The following KDM5B variants were observed in gnomAD, a reference collection of about 807,000 sequenced individuals.
KDM5B encodes lysine demethylase 5B.
Under a neutral mutation model 193.4 loss-of-function variants are expected in KDM5B, and 144 were observed. The observed-to-expected ratio is 0.74, with a 90% CI of 0.65 to 0.86. The LOEUF (loss-of-function observed/expected upper bound fraction) is 0.86. KDM5B is among the 40% of genes least tolerant of loss of function. KDM5B has a pLI of 0.00. For synonymous variants in KDM5B, 668 were observed against 682.6 expected, an observed-to-expected ratio of 0.98 and a Z score of 0.33; for missense variants, 1,833 against 1,886.9, an observed-to-expected ratio of 0.97 and a Z score of 0.53.
intron 1 of KDM5B, among the ~76,000 whole-genome samples, chr1:202,786,396 G>C (rs1657413612): frequency 6.6e-6 from 1 of 151,234 alleles, no homozygotes; most frequent in Non-Finnish European, 1.5e-5. Flanking sequence ...ATAGTTCAAG[G>C]GTAAAGGCAG....
intron 11 of KDM5B, among the ~76,000 whole-genome samples, chr1:202,754,302 C>T (rs886777791): frequency 3.3e-5 from 5 of 152,136 alleles, no homozygotes; most frequent in African/African-American, 1.2e-4. Context: ...TGTGGTACAT[C>T]CTCAAATTCC....
At position 202,760,577 on chromosome 1, in the gene KDM5B, T is replaced by C; in HGVS notation, c.919-4A>G. 6.2e-7 allele frequency: 1 copy of C among 1,602,618 alleles called. No homozygotes were observed. The highest frequency in any genetic ancestry group is 8.5e-7 in the Non-Finnish European group (1 of 1,175,198). The stretch of plus-strand genomic sequence containing the variant: ...AAAGACAGACATACAGGTCCACCTG[T>C]AGCAATAAAAGTGGGTACAGAACAA... On this transcript the variant is annotated splice_polypyrimidine_tract_variant and splice_region_variant and intron_variant, in intron 7 of 26. Coordinates refer to ENST00000367265, the MANE Select transcript of KDM5B (RefSeq NM_006618.5).
intron 1 of KDM5B, among the ~76,000 whole-genome samples, chr1:202,804,253 G>A (rs1023794987): frequency 1.2e-4 from 9 of 75,662 alleles, no homozygotes; most frequent in Non-Finnish European, 3.4e-4. Context: ...TCAATAAAAG[G>A]GTTTTTTTTT....
At chr1:202,774,815 G>T in intron 2 of KDM5B, 80 bp from the exon 3 acceptor site, 4 of 1,395,748 alleles carry the variant, frequency 2.9e-6, no homozygotes, top group Non-Finnish European at 4.0e-6. Flanking sequence ...TTCTTTCACA[G>T]AATATTTAAG....
In KDM5B at chr1:202,741,717, G is replaced by A. The variant is rs373617043; in HGVS notation, c.2595C>T (p.Leu865=). The A allele has an allele frequency of 6.3e-7, 1 of 1,581,974 alleles. No individual in the cohort carries two copies. The highest frequency in any genetic ancestry group is 1.4e-5 in the African/African-American group (1 of 73,994). Residue 865 remains leucine (L), a synonymous_variant, in exon 19 of 27, where the codon CTC becomes CTT. Transcript: ENST00000367265. The part of the protein sequence containing the change: ...VLSQTPLLKD[L]LNRVEDFQQH... ...GTTGAAAATCTTCTACACGATTCAA[G>A]AGATCCTAAAAAAAAATACACAGGT...
rs1447319614 is a variant in KDM5B at position 202,781,588 on chromosome 1, ATG to A, written c.205-4496_205-4495del. Among the ~76,000 whole-genome samples, 3 of 152,340 alleles carry A rather than the reference ATG, an allele frequency of 2.0e-5. No individual in the cohort carries two copies. The East Asian group carries it at 5.8e-4, about 29-fold the overall frequency. On this transcript the variant is annotated intron_variant, in intron 1 of 26. Coordinates refer to ENST00000367265, the MANE Select transcript of KDM5B (RefSeq NM_006618.5). ...AGCTCAATAACTAAAAGCCAAAGTA[ATG>A]TGTTTAATTTATACAGAACACATCC...
intron 21 of KDM5B, 150 bp from the exon 22 acceptor site, chr1:202,735,737 C>T (rs1316374363): frequency 2.3e-5 from 15 of 645,658 alleles, no homozygotes; most frequent in Admixed American, 6.0e-5. Context: ...CTGAGGCTCT[C>T]CTTTACAAAA....
At chr1:202,756,751 C>T (rs781751904) in intron 9 of KDM5B, among the ~76,000 whole-genome samples, 1 of 152,102 alleles carries the variant, frequency 6.6e-6, no homozygotes. Flanking sequence ...TATTTATGAC[C>T]GGGAGATATT....
intron 6 of KDM5B, 151 bp from the exon 7 acceptor site, chr1:202,762,959 G>A: frequency 1.7e-6 from 1 of 580,598 alleles, no homozygotes; most frequent in Non-Finnish European, 3.1e-6. Flanking sequence ...TTATTCAAGG[G>A]CTCAAATGCT....
chr1:202,736,481 G>T, intron 20 of KDM5B, 89 bp from the exon 21 acceptor site: 2 of 1,008,046 alleles, frequency 2.0e-6, no homozygotes, highest in Non-Finnish European at 1.4e-6. Flanking sequence ...GGTCCATTGA[G>T]TACTTCAGAT....
chr1:202,767,087 T>A (rs768413115), intron 4 of KDM5B, 27 bp from the exon 5 acceptor site: 2 of 1,604,846 alleles, frequency 1.2e-6, no homozygotes, highest in Admixed American at 3.5e-5. Flanking sequence ...TACTGATAAA[T>A]TCCCTCCTTT....
At position 202,800,563 on chromosome 1, in the gene KDM5B, C is replaced by T. The variant is rs138498836; in HGVS notation, c.204+7539G>A. On this transcript the variant is annotated intron_variant, in intron 1 of 26. Transcript: ENST00000367265. Reference sequence around the variant, plus strand: ...CTATGTTTCCCAGGCTGATCTCAAACGCCTGACCTCAAGCGATCCTCCTGC... The same window carrying T: ...CTATGTTTCCCAGGCTGATCTCAAATGCCTGACCTCAAGCGATCCTCCTGC... Among the ~76,000 whole-genome samples, 13 of 151,846 alleles carry T rather than the reference C, an allele frequency of 8.6e-5. No homozygotes were observed. In the East Asian group the frequency reaches 2.1e-3, roughly 25 times the overall value.
chr1:202,808,091 G>C lies in KDM5B; in HGVS notation c.204+11C>G. Reference sequence around the variant, plus strand: ...GCCACGAGCTGGATCCGGGGTGCTGGCGTGACTCACCGGCGGCGGCCGCAC... The same window carrying C: ...GCCACGAGCTGGATCCGGGGTGCTGCCGTGACTCACCGGCGGCGGCCGCAC... On this transcript the variant is annotated intron_variant, in intron 1 of 26. Transcript: ENST00000367265. 1 of 1,609,762 alleles carries C rather than the reference G, an allele frequency of 6.2e-7. No individual in the cohort carries two copies. Among genetic ancestry groups the C allele is most frequent in the Non-Finnish European group, 8.5e-7 (1 of 1,178,420 alleles).
At chr1:202,784,443 G>C (rs1055930657) in intron 1 of KDM5B, among the ~76,000 whole-genome samples, 3 of 152,124 alleles carry the variant, frequency 2.0e-5, no homozygotes, top group African/African-American at 4.8e-5. Context: ...AAATGCACTT[G>C]CAAGTTAGCA....
chr1:202,790,614 G>T (rs933237585), intron 1 of KDM5B, among the ~76,000 whole-genome samples: 3 of 152,134 alleles, frequency 2.0e-5, no homozygotes, highest in African/African-American at 7.2e-5. Flanking sequence ...CAGCTACTCA[G>T]GAGGCTGAGG....
intron 23 of KDM5B, 147 bp from the exon 24 acceptor site, chr1:202,732,086 T>A: frequency 1.7e-6 from 1 of 590,468 alleles, no homozygotes; most frequent in African/African-American, 1.9e-5. Flanking sequence ...CTGAAGAGTC[T>A]CCTGGCATTT....
rs1656014999 is a variant in KDM5B at position 202,756,422 on chromosome 1, G to A, written c.1292C>T (p.Ser431Leu). Reference sequence around the variant, plus strand: ...AGGAAAGCCACTGCCAAATTCCTTTGAGGCAATGTCAGCTCCATATTCCAC... The same window carrying A: ...AGGAAAGCCACTGCCAAATTCCTTTAAGGCAATGTCAGCTCCATATTCCAC... ...VTVEYGADIASKEFGSGFPVR... is the reference protein window; with the variant it reads ...VTVEYGADIALKEFGSGFPVR... Residue 431 changes from serine to leucine, a missense_variant, in exon 10 of 27, where the codon TCA (serine) becomes TTA (leucine). By Grantham distance (145) the Ser-to-Leu change is moderately radical. Transcript: ENST00000367265. The A allele has an allele frequency of 6.2e-7, 1 of 1,613,608 alleles. No individual in the cohort carries two copies. Among genetic ancestry groups the A allele is most frequent in the Non-Finnish European group, 8.5e-7 (1 of 1,179,750 alleles).
In KDM5B at chr1:202,808,341, C is replaced by T; in HGVS notation, c.-36G>A. On this transcript the variant is annotated 5_prime_UTR_variant, in exon 1 of 27. Coordinates refer to ENST00000367265, the MANE Select transcript of KDM5B (RefSeq NM_006618.5). Reference sequence around the variant, plus strand: ...TGGGCAAGGGCGAGGCGAAGGTGGGCTCCGGGACCGAGGCTGCGAGCTCCG... The same window carrying T: ...TGGGCAAGGGCGAGGCGAAGGTGGGTTCCGGGACCGAGGCTGCGAGCTCCG... The T allele has an allele frequency of 6.6e-7, 1 of 1,520,106 alleles. No homozygotes were observed. The highest frequency in any genetic ancestry group is 8.8e-7 in the Non-Finnish European group (1 of 1,137,638). The allele number at this position is 1,520,106 out of a possible 1,614,324, so 94.2% of individuals were successfully genotyped here. A position where few individuals can be genotyped will look rare whatever the true frequency, so the allele number is the denominator to read the frequency against.
chr1:202,729,925 C>T lies in KDM5B; in HGVS notation c.4279G>A (p.Val1427Ile), dbSNP rs1654817946. Reference protein sequence around the residue: ...EGLSSERWERVKKMRTPKKKK... With the variant: ...EGLSSERWERIKKMRTPKKKK... ...TTTTTGGGGGTCCGCATTTTCTTAA[C>T]TCGTTCCCACCGCTCACTGGAGAGG... is the stretch of plus-strand genomic sequence containing the variant. The change falls in exon 26 of 27, where the codon GTT (valine) becomes ATT (isoleucine). Residue 1427 changes from valine to isoleucine, a missense_variant. Val to Ile is a conservative substitution (Grantham distance 29). This residue lies in a region of KDM5B where 1,379 missense variants were observed against 1,349.6 expected (regional missense o/e 1.02). Coordinates refer to ENST00000367265, the MANE Select transcript of KDM5B (RefSeq NM_006618.5). 5 of 1,614,022 alleles carry T rather than the reference C, an allele frequency of 3.1e-6. No individual in the cohort carries two copies. In the African/African-American group the frequency reaches 5.3e-5, roughly 17 times the overall value.
Sources: allele counts gnomAD v4.1 joint callset (sites outside exome capture counted in the v4.1 genomes callset), GRCh38; gene constraint gnomAD v4.1.1; regional missense constraint gnomAD v4.1.1; transcripts MANE v1.5; gene names NCBI Gene and HGNC (gene_info 2026-07-23, HGNC 2026-07-21).